The following CBLB variants were observed in gnomAD, a reference collection of about 807,000 sequenced individuals.
CBLB encodes E3 ubiquitin-protein ligase CBL-B.
A neutral mutation model predicts 104.9 loss-of-function variants in CBLB; 31 were observed. The ratio of observed to expected loss-of-function variants is 0.30; its 90% CI spans 0.22 to 0.40. The LOEUF (loss-of-function observed/expected upper bound fraction) is 0.40, where lower values mean the gene tolerates loss of function less well. Ranked by LOEUF, CBLB falls within the 10% of genes least tolerant of loss-of-function variation. The pLI is 1.00. For synonymous variants in CBLB, 440 were observed against 422.6 expected (o/e 1.04, Z -0.51); for missense variants, 1,062 against 1,214.6 (o/e 0.87, Z 1.87).
intron 2 of CBLB, among the ~76,000 whole-genome samples, chr3:105,855,380 A>T (rs2091467905): frequency 6.6e-6 from 1 of 152,194 alleles, no homozygotes; most frequent in Non-Finnish European, 1.5e-5. Context: ...GTATTCTGAA[A>T]ATTTGCTAAG....
At chr3:105,687,915 T>C (rs529635391) in intron 13 of CBLB, among the ~76,000 whole-genome samples, 49 of 151,682 alleles carry the variant, frequency 3.2e-4, no homozygotes, top group African/African-American at 1.2e-3. Flanking sequence ...AAAACTAGAG[T>C]CATGTAACTA....
intron 10 of CBLB, among the ~76,000 whole-genome samples, chr3:105,706,570 T>C (rs1463715672): frequency 6.6e-6 from 1 of 152,190 alleles, no homozygotes; most frequent in Admixed American, 6.5e-5. Flanking sequence ...AAATTCCTCA[T>C]GTAAAGCTAT....
In CBLB at chr3:105,853,548, G is replaced by T. The variant is rs541532792; in HGVS notation, c.285C>A (p.Asn95Lys). ...TCTCACTGAGTTGGGCAAGTTTCTG[G>T]TTGTCATCATATTTACTCAATATAA... The part of the protein sequence containing the change: ...LRLILSKYDD[N>K]QKLAQLSENE... Residue 95 changes from asparagine (N) to lysine (K), a missense_variant, in exon 3 of 19, where the codon AAC becomes AAA. Physicochemically the swap from Asn to Lys is moderately conservative, Grantham distance 94 (BLOSUM62 0). This residue lies in a region of CBLB where 457 missense variants were observed against 632.0 expected (regional missense o/e 0.72). Coordinates refer to ENST00000394030, the MANE Select transcript of CBLB (RefSeq NM_170662.5). 6.2e-7 allele frequency: 1 copy of T among 1,613,382 alleles called. No individual in the cohort carries two copies. The highest frequency in any genetic ancestry group is 8.5e-7 in the Non-Finnish European group (1 of 1,179,696).
chr3:105,742,090 A>G (rs2152884455), intron 6 of CBLB, among the ~76,000 whole-genome samples: 1 of 152,298 alleles, frequency 6.6e-6, no homozygotes, highest in Admixed American at 6.5e-5. Context: ...ATTTTAGATC[A>G]TTTCTCTTTA....
intron 12 of CBLB, among the ~76,000 whole-genome samples, 172 bp downstream of exon 12, chr3:105,701,922 C>T (rs1271207010): frequency 3.1e-4 from 47 of 152,104 alleles, no homozygotes; most frequent in Admixed American, 3.0e-3. Flanking sequence ...CCTGACTTCT[C>T]TTAAGTTCAA....
chr3:105,703,124 T>C (rs2069501717), intron 11 of CBLB, among the ~76,000 whole-genome samples: 1 of 152,200 alleles, frequency 6.6e-6, no homozygotes, highest in Non-Finnish European at 1.5e-5. Context: ...ATGAATTGAA[T>C]GAGTATGCTT....
chr3:105,842,955 A>G (rs1361903836), intron 3 of CBLB, among the ~76,000 whole-genome samples: 1 of 152,228 alleles, frequency 6.6e-6, no homozygotes, highest in Non-Finnish European at 1.5e-5. Flanking sequence ...CTCTCCAAAA[A>G]TTAGATAGGT....
At chr3:105,741,070 T>G (rs988079436) in intron 6 of CBLB, among the ~76,000 whole-genome samples, 1 of 151,264 alleles carries the variant, frequency 6.6e-6, no homozygotes, top group Non-Finnish European at 1.5e-5. Flanking sequence ...ATATATTCCT[T>G]TGTAATTTAG....
chr3:105,658,964 T>C lies in CBLB; in HGVS notation c.*6A>G, dbSNP rs767051396. On this transcript the variant is annotated 3_prime_UTR_variant, in exon 19 of 19. Coordinates refer to ENST00000394030, the MANE Select transcript of CBLB (RefSeq NM_170662.5). The stretch of plus-strand genomic sequence containing the variant: ...CTTTCCATTTTGGTGTCTACAGTTC[T>C]GGCTGCTATAGATTTAGACGTGGGG... 4.3e-6 allele frequency: 7 copies of C among 1,613,800 alleles called. No individual in the cohort carries two copies. The highest frequency in any genetic ancestry group is 5.9e-6 in the Non-Finnish European group (7 of 1,179,790).
intron 6 of CBLB, among the ~76,000 whole-genome samples, chr3:105,745,361 G>A (rs1012025787): frequency 3.9e-5 from 6 of 152,102 alleles, no homozygotes; most frequent in Non-Finnish European, 7.4e-5. Context: ...TTCATCATGT[G>A]GAAAATAAAA....
chr3:105,773,587 C>A (rs1263216094), intron 4 of CBLB, among the ~76,000 whole-genome samples: 2 of 152,174 alleles, frequency 1.3e-5, no homozygotes, highest in Non-Finnish European at 2.9e-5. Context: ...AGAGTCTAAT[C>A]ACATTGATGT....
At chr3:105,770,382 TC>T (rs2078728780) in intron 4 of CBLB, among the ~76,000 whole-genome samples, 1 of 152,132 alleles carries the variant, frequency 6.6e-6, no homozygotes, top group Admixed American at 6.5e-5. Flanking sequence ...CCTTCACCCT[TC>T]CAATAGCTGG....
intron 3 of CBLB, among the ~76,000 whole-genome samples, chr3:105,843,572 C>T (rs959862758): frequency 1.3e-5 from 2 of 151,766 alleles, no homozygotes; most frequent in African/African-American, 4.8e-5. Flanking sequence ...AGAGATGGCA[C>T]TTTATACATT....
intron 3 of CBLB, among the ~76,000 whole-genome samples, chr3:105,848,462 A>G (rs1439735550): frequency 3.3e-5 from 5 of 152,134 alleles, no homozygotes; most frequent in Admixed American, 6.6e-5. Context: ...TCTATTTATT[A>G]CATTTATGTA....
chr3:105,829,988 G>GT (rs1355092907), intron 3 of CBLB, among the ~76,000 whole-genome samples: 2 of 152,120 alleles, frequency 1.3e-5, no homozygotes, highest in Non-Finnish European at 2.9e-5. Flanking sequence ...ACTGTCAGAT[G>GT]TATTTTATTT....
At position 105,756,162 on chromosome 3, in the gene CBLB, T is replaced by C. The variant is rs189328230; in HGVS notation, c.567-4544A>G. ...ATGTACTAAAACTTTTAAATGTATA[T>C]AATCGTAGAAGAATCAATGAAAACC... On this transcript the variant is annotated intron_variant, in intron 4 of 18. Transcript: ENST00000394030. 9.3e-4 allele frequency among the ~76,000 whole-genome samples: 141 copies of C among 152,302 alleles called. 1 individual carries two copies. The highest frequency in any genetic ancestry group is 2.8e-3 in the Admixed American group (43 of 15,302).
At chr3:105,813,001 A>G (rs1348145752) in intron 3 of CBLB, among the ~76,000 whole-genome samples, 1 of 152,142 alleles carries the variant, frequency 6.6e-6, no homozygotes. Flanking sequence ...TAAATGGTAA[A>G]GTACATTTTA....
At chr3:105,740,722 A>AAC in intron 6 of CBLB, 91 bp from the exon 7 acceptor site, 1 of 1,167,246 alleles carries the variant, frequency 8.6e-7, no homozygotes. Flanking sequence ...CAAAAGAATA[A>AAC]ACAATCATTT....
rs9866389 is a variant in CBLB at position 105,723,113 on chromosome 3, T to C, written c.1204-2863A>G. On this transcript the variant is annotated intron_variant, in intron 9 of 18. Transcript: ENST00000394030. ...GACTTCATCCATCACACTTTATAAA[T>C]GGACTACTGTCACATGCAAATTAGA... is the stretch of plus-strand genomic sequence containing the variant. Among the ~76,000 whole-genome samples the C allele has an allele frequency of 3.3e-3, 504 of 152,296 alleles. 1 individual carries two copies. The highest frequency in any genetic ancestry group is 5.1e-3 in the Non-Finnish European group (349 of 67,994).
Sources: allele counts gnomAD v4.1 joint callset (sites outside exome capture counted in the v4.1 genomes callset), GRCh38; gene constraint gnomAD v4.1.1; regional missense constraint gnomAD v4.1.1; transcripts MANE v1.5; gene names NCBI Gene and HGNC (gene_info 2026-07-23, HGNC 2026-07-21).